GPLD1: variants seen among roughly 807,000 people sequenced by gnomAD.
The protein encoded by GPLD1 is phosphatidylinositol-glycan-specific phospholipase D.
A neutral mutation model predicts 112.6 loss-of-function variants in GPLD1; 84 were observed. That is an observed-to-expected ratio of 0.75 (90% CI 0.63 to 0.89). The LOEUF (loss-of-function observed/expected upper bound fraction) is 0.89. GPLD1 is among the 40% of genes least tolerant of loss of function. The probability of loss-of-function intolerance (pLI) is 0.00; values close to 1 mark genes in which losing one functional copy is unlikely to be tolerated. For missense variants in GPLD1, 1,044 were observed against 1,051.5 expected, an observed-to-expected ratio of 0.99 and a Z score of 0.10; for synonymous variants, 386 against 403.8, an observed-to-expected ratio of 0.96 and a Z score of 0.53.
Position 24,436,616 on chromosome 6 carries a change from C to CT in GPLD1, c.2317_2318insA (p.Gly773GlufsTer23). The CT allele has an allele frequency of 1.2e-6, 2 of 1,614,010 alleles. No homozygotes were observed. The highest frequency in any genetic ancestry group is 1.7e-6 in the Non-Finnish European group (2 of 1,179,914). On this transcript the variant is annotated frameshift_variant, in exon 22 of 25. Transcript: ENST00000230036. LOFTEE classifies it high-confidence loss of function. ...TGGAGTTATCCATGATTTGCATTTG[C>CT]CAGTCATGTCACCAAGGGTGGTCTC...
At chr6:24,467,486 C>A (rs190042789) in intron 7 of GPLD1, among the ~76,000 whole-genome samples, 1 of 152,090 alleles carries the variant, frequency 6.6e-6, no homozygotes, top group Non-Finnish European at 1.5e-5. Flanking sequence ...GATTAAGGCA[C>A]AGAAAAGTTA....
chr6:24,456,645 A>G lies in GPLD1; in HGVS notation c.1009-8T>C, dbSNP rs755765533. On this transcript the variant is annotated splice_polypyrimidine_tract_variant and splice_region_variant and intron_variant, in intron 12 of 24. Transcript: ENST00000230036. ...GATAAAGGACATGGAATCCTGAAAT[A>G]AAAGAATCATTATAGACAGTAAAGA... 3.2e-6 allele frequency: 5 copies of G among 1,585,720 alleles called. No homozygotes were observed. The highest frequency in any genetic ancestry group is 4.3e-6 in the Non-Finnish European group (5 of 1,159,156).
chr6:24,462,441 T>C (rs563458506), intron 11 of GPLD1, among the ~76,000 whole-genome samples: 1 of 152,282 alleles, frequency 6.6e-6, no homozygotes, highest in African/African-American at 2.4e-5. Context: ...AGCCACTAAC[T>C]ACCGTTTAAT....
At chr6:24,424,553 T>G, downstream of GPLD1, 1 of 152,236 alleles carries the variant, frequency 6.6e-6, no homozygotes, top group East Asian at 1.9e-4. Flanking sequence ...ATGTTAGAAC[T>G]GTGATATCTT....
chr6:24,451,947 C>A (rs1763105023), intron 14 of GPLD1, among the ~76,000 whole-genome samples: 1 of 152,210 alleles, frequency 6.6e-6, no homozygotes, highest in African/African-American at 2.4e-5. Context: ...TACGGGCCAG[C>A]CAGTCATTCC....
chr6:24,438,552 C>A (rs1367118319), intron 20 of GPLD1, among the ~76,000 whole-genome samples: 1 of 152,168 alleles, frequency 6.6e-6, no homozygotes, highest in African/African-American at 2.4e-5. Flanking sequence ...CTAGAAGCCA[C>A]TGAGGGCTCA....
chr6:24,481,084 G>A (rs78808915), intron 2 of GPLD1, among the ~76,000 whole-genome samples: 27,082 of 152,190 alleles, frequency 0.18, 2,808 homozygotes, highest in African/African-American at 0.28. Flanking sequence ...TGAATTTGTA[G>A]CAAATGGGGC....
At chr6:24,438,848 G>A (rs78240430) in intron 20 of GPLD1, among the ~76,000 whole-genome samples, 2 of 151,900 alleles carry the variant, frequency 1.3e-5, no homozygotes, top group African/African-American at 2.4e-5. Context: ...GTACAGCGGC[G>A]TGATCTCGGC....
chr6:24,453,943 C>T, intron 14 of GPLD1, 72 bp downstream of exon 14: 1 of 941,694 alleles, frequency 1.1e-6, no homozygotes, highest in Non-Finnish European at 1.7e-6. Context: ...GTTACTCATC[C>T]TGGAGAATCT....
chr6:24,484,780 C>A (rs1764317160), intron 2 of GPLD1, among the ~76,000 whole-genome samples: 1 of 152,138 alleles, frequency 6.6e-6, no homozygotes, highest in Admixed American at 6.6e-5. Flanking sequence ...TTTCCTCATT[C>A]GGCCTGTTAG....
intron 7 of GPLD1, among the ~76,000 whole-genome samples, chr6:24,470,795 A>G (rs1431917514): frequency 6.6e-6 from 1 of 152,002 alleles, no homozygotes; most frequent in Non-Finnish European, 1.5e-5. Context: ...GACAGGGTTT[A>G]ACCATGTTGG....
In GPLD1 at chr6:24,489,337, G is replaced by A. The variant is rs150469731; in HGVS notation, c.97+78C>T. 3.0e-4 allele frequency: 330 copies of A among 1,082,620 alleles called. 2 individuals are homozygous for A. The African/African-American group carries it at 4.4e-3, about 15-fold the overall frequency. The allele number at this position is 1,082,620 out of a possible 1,614,324, so 67.1% of individuals were successfully genotyped here. A position where few individuals can be genotyped will look rare whatever the true frequency, so the allele number is the denominator to read the frequency against. On this transcript the variant is annotated intron_variant, in intron 1 of 24. Transcript: ENST00000230036. ...GGGGAAACTGTATCAATCCACGAGC[G>A]GGATTTTCAGTCTCTTCCTTAATGT...
At chr6:24,477,336 C>A (rs998209096) in intron 3 of GPLD1, among the ~76,000 whole-genome samples, 3 of 150,178 alleles carry the variant, frequency 2.0e-5, no homozygotes, top group African/African-American at 4.9e-5. Context: ...CACAAAGGGT[C>A]AATCAGACCC....
Position 24,445,546 on chromosome 6 carries a change from C to T in GPLD1, c.2020G>A (p.Asp674Asn), listed in dbSNP as rs115535480. ...CACAGTTTCACAGTGTGTGACCTAC[C>T]GTACGTAGGGGCTCCAACCAGCAGC... ...QVLLVGAPTY[D>N]DVSKVAFLTV... Residue 674 changes from aspartate (D) to asparagine (N), a missense_variant and splice_region_variant, in exon 20 of 25, where the codon GAT becomes AAT. Physicochemically the swap from Asp to Asn is conservative, Grantham distance 23. Coordinates refer to ENST00000230036, the MANE Select transcript of GPLD1 (RefSeq NM_001503.4). 148 of 1,604,298 alleles carry T rather than the reference C, an allele frequency of 9.2e-5. No individual in the cohort carries two copies. In the African/African-American group the frequency reaches 1.6e-3, roughly 17 times the overall value.
At position 24,448,130 on chromosome 6, in the gene GPLD1, A is replaced by G. The variant is rs370650399; in HGVS notation, c.1521+4T>C. On this transcript the variant is annotated splice_donor_region_variant and intron_variant, in intron 16 of 24. Coordinates refer to ENST00000230036, the MANE Select transcript of GPLD1 (RefSeq NM_001503.4). ...TCTGCACCTGGCTAAAGTGGTAAAC[A>G]TACCTGGCAAGAAATGGTGATGTTA... 19 of 1,612,080 alleles carry G rather than the reference A, an allele frequency of 1.2e-5. No individual in the cohort carries two copies. In the African/African-American group the frequency reaches 1.9e-4, roughly 16 times the overall value.
chr6:24,454,583 C>A (rs1045470253), intron 13 of GPLD1, among the ~76,000 whole-genome samples: 1 of 152,220 alleles, frequency 6.6e-6, no homozygotes, highest in African/African-American at 2.4e-5. Flanking sequence ...CTGATCTGCT[C>A]AATTCGTTTC....
chr6:24,456,978 C>G (rs918781077), intron 12 of GPLD1, among the ~76,000 whole-genome samples: 4 of 152,172 alleles, frequency 2.6e-5, no homozygotes, highest in Non-Finnish European at 4.4e-5. Flanking sequence ...TCAAGCAATT[C>G]TCCTGCCTTA....
chr6:24,453,897 A>G (rs1763177480), intron 14 of GPLD1, 118 bp downstream of exon 14: 3 of 691,200 alleles, frequency 4.3e-6, no homozygotes, highest in Non-Finnish European at 7.6e-6. Flanking sequence ...AATGTACACC[A>G]CCAGCTGTTT....
chr6:24,474,133 A>C (rs2127361087), intron 5 of GPLD1, among the ~76,000 whole-genome samples: 1 of 137,840 alleles, frequency 7.3e-6, no homozygotes, highest in Non-Finnish European at 1.5e-5. Context: ...TCTCAAAAAC[A>C]AACAAACAAA....
Sources: gnomAD v4.1 joint callset for allele counts (sites outside exome capture counted in the v4.1 genomes callset) on GRCh38, gnomAD v4.1.1 for gene constraint, MANE v1.5 for transcripts, NCBI Gene and HGNC (gene_info 2026-07-23, HGNC 2026-07-21) for gene names.